Variants in BTG1 observed in about 807,000 individuals in gnomAD.
BTG1 encodes the protein protein BTG1.
A neutral mutation model predicts 15.2 loss-of-function variants in BTG1; 2 were observed. That is an observed-to-expected ratio of 0.13 (90% CI 0.05 to 0.41). The LOEUF (loss-of-function observed/expected upper bound fraction) is 0.41. BTG1 is among the 10% of genes least tolerant of loss of function. The probability of loss-of-function intolerance (pLI) is 0.99; values close to 1 mark genes in which losing one functional copy is unlikely to be tolerated. For missense variants in BTG1, 149 were observed against 215.0 expected, an observed-to-expected ratio of 0.69 and a Z score of 1.92; for synonymous variants, 109 against 82.4, an observed-to-expected ratio of 1.32 and a Z score of -1.75.
At chr12:92,144,854 A>T (rs778916862) in intron 1 of BTG1, among the ~76,000 whole-genome samples, 13 of 152,228 alleles carry the variant, frequency 8.5e-5, no homozygotes, top group Non-Finnish European at 1.9e-4. Context: ...AAGAAAAACA[A>T]GCAACCCTAA....
Position 92,144,125 on chromosome 12 carries a change from T to C in BTG1, c.471A>G (p.Arg157=). ...ISCKEELLLG[R]TSPSKNYNMM... The stretch of plus-strand genomic sequence containing the variant: ...TATTGTAGTTTTTGGAAGGGCTCGT[T>C]CTGCCCAAGAGAAGTTCCTCCTTAC... Residue 157 remains arginine (R), a synonymous_variant, in exon 2 of 2, where the codon AGA becomes AGG. Coordinates refer to ENST00000256015, the MANE Select transcript of BTG1 (RefSeq NM_001731.3). 1 of 1,613,594 alleles carries C rather than the reference T, an allele frequency of 6.2e-7. No homozygotes were observed. The highest frequency in any genetic ancestry group is 8.5e-7 in the Non-Finnish European group (1 of 1,179,992).
Position 92,140,417 on chromosome 12 carries a change from G to A in BTG1, c.*3663C>T, listed in dbSNP as rs969521658. ...TTGAGGAAATGGTATCAATCCTCAG[G>A]ATTAATACAATCTAAGGCTTACTTG... On this transcript the variant is annotated 3_prime_UTR_variant, in exon 2 of 2. Transcript: ENST00000256015. 1.8e-5 allele frequency: 4 copies of A among 224,166 alleles called. No homozygotes were observed. Among genetic ancestry groups the A allele is most frequent in the Non-Finnish European group, 3.6e-5 (4 of 112,572 alleles). 13.9% of individuals were successfully genotyped at this position (224,166 alleles called of 1,614,324 possible).
rs1870538941 is a variant in BTG1, at chr12:92,145,604, C to T, written c.-69G>A. ...GGCGCGGCCCCGACGGCGGAGCAGC[C>T]ACCCCGGGCTTCCTCACCGGGCGGA... On this transcript the variant is annotated 5_prime_UTR_variant, in exon 1 of 2. Coordinates refer to ENST00000256015, the MANE Select transcript of BTG1 (RefSeq NM_001731.3). 4.4e-6 allele frequency: 5 copies of T among 1,134,224 alleles called. No homozygotes were observed. The South Asian group carries it at 1.1e-4, about 26-fold the overall frequency. The allele number at this position is 1,134,224 out of a possible 1,614,324, so 70.3% of individuals were successfully genotyped here.
rs199977695 is a variant in BTG1 at position 92,140,355 on chromosome 12, CA to C, written c.*3724del. The stretch of plus-strand genomic sequence containing the variant: ...TGATAAGCCAAGTTAAACCTGCAGT[CA>C]AAAAAAAACTGGTGTCAATCATACT... On this transcript the variant is annotated 3_prime_UTR_variant, in exon 2 of 2. Transcript: ENST00000256015. The C allele has an allele frequency of 6.4e-4, 135 of 209,668 alleles. No individual in the cohort carries two copies. Among genetic ancestry groups the C allele is most frequent in the East Asian group, 1.2e-3 (17 of 13,866 alleles). The allele number at this position is 209,668 out of a possible 1,614,324, so 13.0% of individuals were successfully genotyped here.
In BTG1 at chr12:92,142,821, A is replaced by T. The variant is rs1052471826; in HGVS notation, c.*1259T>A. ...GGAACATTTATATCTTCACTTCAACAGGGAAGCAATGAAATGTAATCCTTT... is the reference window on the plus strand; with the variant it reads ...GGAACATTTATATCTTCACTTCAACTGGGAAGCAATGAAATGTAATCCTTT... On this transcript the variant is annotated 3_prime_UTR_variant, in exon 2 of 2. Coordinates refer to ENST00000256015, the MANE Select transcript of BTG1 (RefSeq NM_001731.3). The T allele has an allele frequency of 8.6e-6, 2 of 232,952 alleles. No homozygotes were observed. The highest frequency in any genetic ancestry group is 2.2e-5 in the African/African-American group (1 of 45,340). The allele number at this position is 232,952 out of a possible 1,614,324, so 14.4% of individuals were successfully genotyped here. A position where few individuals can be genotyped will look rare whatever the true frequency, so the allele number is the denominator to read the frequency against.
chr12:92,143,944 T>TA lies in BTG1; in HGVS notation c.*135dup. On this transcript the variant is annotated 3_prime_UTR_variant, in exon 2 of 2. Coordinates refer to ENST00000256015, the MANE Select transcript of BTG1 (RefSeq NM_001731.3). Reference sequence around the variant, plus strand: ...TGTCACTTAAAATTTTTTTTTTTTTTACCATTCTATCTTGTGCCAGATCTT... The same window carrying TA: ...TGTCACTTAAAATTTTTTTTTTTTTTAACCATTCTATCTTGTGCCAGATCTT... 3.5e-6 allele frequency: 4 copies of TA among 1,151,138 alleles called. No homozygotes were observed. Among genetic ancestry groups the TA allele is most frequent in the Admixed American group, 2.8e-5 (1 of 36,132 alleles). 71.3% of individuals were successfully genotyped at this position (1,151,138 alleles called of 1,614,324 possible). A position where few individuals can be genotyped will look rare whatever the true frequency, so the allele number is the denominator to read the frequency against.
chr12:92,144,043 T>C lies in BTG1; in HGVS notation c.*37A>G, dbSNP rs770029415. On this transcript the variant is annotated 3_prime_UTR_variant, in exon 2 of 2. Coordinates refer to ENST00000256015, the MANE Select transcript of BTG1 (RefSeq NM_001731.3). ...CCACCCAAAGCAAAAATCAAATTTATCCATCATCATCAGATGATCCATCCA... is the reference window on the plus strand; with the variant it reads ...CCACCCAAAGCAAAAATCAAATTTACCCATCATCATCAGATGATCCATCCA... The C allele has an allele frequency of 4.0e-5, 64 of 1,597,764 alleles. 1 individual carries two copies. In the South Asian group the frequency reaches 7.1e-4, roughly 18 times the overall value.
chr12:92,140,402 G>T lies in BTG1; in HGVS notation c.*3678C>A, dbSNP rs1367586765. On this transcript the variant is annotated 3_prime_UTR_variant, in exon 2 of 2. Transcript: ENST00000256015. Reference sequence around the variant, plus strand: ...ATACTCCACAAAGTGTTGAGGAAATGGTATCAATCCTCAGGATTAATACAA... The same window carrying T: ...ATACTCCACAAAGTGTTGAGGAAATTGTATCAATCCTCAGGATTAATACAA... The T allele has an allele frequency of 4.5e-6, 1 of 222,200 alleles. No individual in the cohort carries two copies. The highest frequency in any genetic ancestry group is 2.2e-5 in the African/African-American group (1 of 44,674). The allele number at this position is 222,200 out of a possible 1,614,324, so 13.8% of individuals were successfully genotyped here.
In BTG1 at chr12:92,144,179, G is replaced by A; in HGVS notation, c.417C>T (p.Asn139=). ...TGATTCGGCTGTCTACCATTTGCACGTTGGTGCTGTTTTGAGTGCTACCTC... is the reference window on the plus strand; with the variant it reads ...TGATTCGGCTGTCTACCATTTGCACATTGGTGCTGTTTTGAGTGCTACCTC... ...PAGGSTQNST[N]VQMVDSRISC... Residue 139 remains asparagine (N), a synonymous_variant, in exon 2 of 2, where the codon AAC becomes AAT. Coordinates refer to ENST00000256015, the MANE Select transcript of BTG1 (RefSeq NM_001731.3). 1.2e-6 allele frequency: 2 copies of A among 1,614,118 alleles called. No homozygotes were observed. The highest frequency in any genetic ancestry group is 1.7e-6 in the Non-Finnish European group (2 of 1,180,036).
Position 92,141,680 on chromosome 12 carries a change from G to C in BTG1, c.*2400C>G. On this transcript the variant is annotated 3_prime_UTR_variant, in exon 2 of 2. Coordinates refer to ENST00000256015, the MANE Select transcript of BTG1 (RefSeq NM_001731.3). The stretch of plus-strand genomic sequence containing the variant: ...GATACAGGTTCAGCTCAATTGTCTG[G>C]GGAAGGTAAGGTTAAAGTCACAGGA... 4.3e-6 allele frequency: 1 copy of C among 232,320 alleles called. No individual in the cohort carries two copies. Among genetic ancestry groups the C allele is most frequent in the East Asian group, 6.1e-5 (1 of 16,434 alleles). The allele number at this position is 232,320 out of a possible 1,614,324, so 14.4% of individuals were successfully genotyped here.
rs1308931911 is a variant in BTG1, at chr12:92,141,633, CACAA to C, written c.*2443_*2446del. 1 of 231,044 alleles carries C rather than the reference CACAA, an allele frequency of 4.3e-6. No individual in the cohort carries two copies. The highest frequency in any genetic ancestry group is 2.2e-5 in the African/African-American group (1 of 45,176). The allele number at this position is 231,044 out of a possible 1,614,324, so 14.3% of individuals were successfully genotyped here. On this transcript the variant is annotated 3_prime_UTR_variant, in exon 2 of 2. Transcript: ENST00000256015. The stretch of plus-strand genomic sequence containing the variant: ...CAGAAACAGTGAACAAGAAATACAT[CACAA>C]ACAGCTACTGTACCGCAGATACAGG...
intron 1 of BTG1, 81 bp from the exon 2 acceptor site, chr12:92,144,528 T>G (rs537401758): frequency 1.3e-6 from 2 of 1,549,280 alleles, no homozygotes; most frequent in South Asian, 1.2e-5. Context: ...CCAGGCTCCT[T>G]TGAGGAGCGA....
At position 92,145,813 on chromosome 12, in the gene BTG1, A is replaced by C. The variant is rs1394906951; in HGVS notation, c.-278T>G. 1 of 260,784 alleles carries C rather than the reference A, an allele frequency of 3.8e-6. No homozygotes were observed. Among genetic ancestry groups the C allele is most frequent in the Non-Finnish European group, 7.3e-6 (1 of 137,584 alleles). The allele number at this position is 260,784 out of a possible 1,614,324, so 16.2% of individuals were successfully genotyped here. On this transcript the variant is annotated 5_prime_UTR_variant, in exon 1 of 2. Coordinates refer to ENST00000256015, the MANE Select transcript of BTG1 (RefSeq NM_001731.3). ...GCCTCCAGCTCCGCAGCATTCGAAG[A>C]TCTCAATAGCTGCATTTCCAGCTCC...
chr12:92,145,225 G>C, intron 1 of BTG1, 163 bp downstream of exon 1: 1 of 1,138,652 alleles, frequency 8.8e-7, no homozygotes. Flanking sequence ...AGCCTCGCGG[G>C]GAACCGCTGT....
Position 92,142,922 on chromosome 12 carries a change from C to A in BTG1, c.*1158G>T, listed in dbSNP as rs1212149633. On this transcript the variant is annotated 3_prime_UTR_variant, in exon 2 of 2. Transcript: ENST00000256015. Reference sequence around the variant, plus strand: ...TGAGATCATTAGCCTGTGAATGTGTCCATGTTTTGACTTTAGAAATTTTTA... The same window carrying A: ...TGAGATCATTAGCCTGTGAATGTGTACATGTTTTGACTTTAGAAATTTTTA... 1 of 232,912 alleles carries A rather than the reference C, an allele frequency of 4.3e-6. No homozygotes were observed. The highest frequency in any genetic ancestry group is 8.5e-6 in the Non-Finnish European group (1 of 117,964). The allele number at this position is 232,912 out of a possible 1,614,324, so 14.4% of individuals were successfully genotyped here.
At position 92,143,051 on chromosome 12, in the gene BTG1, AT is replaced by A. The variant is rs1380461669; in HGVS notation, c.*1028del. ...CCAGCATGACCAGTGTGCAACAGAGATTCAGTTTATAGAACCTGTCTTCTAA... is the reference window on the plus strand; with the variant it reads ...CCAGCATGACCAGTGTGCAACAGAGATCAGTTTATAGAACCTGTCTTCTAA... On this transcript the variant is annotated 3_prime_UTR_variant, in exon 2 of 2. Coordinates refer to ENST00000256015, the MANE Select transcript of BTG1 (RefSeq NM_001731.3). 4.3e-6 allele frequency: 1 copy of A among 232,776 alleles called. No individual in the cohort carries two copies. The highest frequency in any genetic ancestry group is 8.5e-6 in the Non-Finnish European group (1 of 117,858). The allele number at this position is 232,776 out of a possible 1,614,324, so 14.4% of individuals were successfully genotyped here. A position where few individuals can be genotyped will look rare whatever the true frequency, so the allele number is the denominator to read the frequency against.
chr12:92,143,066 C>A lies in BTG1; in HGVS notation c.*1014G>T, dbSNP rs1870356786. On this transcript the variant is annotated 3_prime_UTR_variant, in exon 2 of 2. Transcript: ENST00000256015. The stretch of plus-strand genomic sequence containing the variant: ...TGCAACAGAGATTCAGTTTATAGAA[C>A]CTGTCTTCTAAGAAAAAATACTTTT... 1 of 232,656 alleles carries A rather than the reference C, an allele frequency of 4.3e-6. No homozygotes were observed. Among genetic ancestry groups the A allele is most frequent in the Admixed American group, 5.6e-5 (1 of 17,780 alleles). 14.4% of individuals were successfully genotyped at this position (232,656 alleles called of 1,614,324 possible).
Position 92,140,461 on chromosome 12 carries a change from A to T in BTG1, c.*3619T>A, listed in dbSNP as rs1269206888. 4.4e-6 allele frequency: 1 copy of T among 227,700 alleles called. No homozygotes were observed. 14.1% of individuals were successfully genotyped at this position (227,700 alleles called of 1,614,324 possible). A position where few individuals can be genotyped will look rare whatever the true frequency, so the allele number is the denominator to read the frequency against. On this transcript the variant is annotated 3_prime_UTR_variant, in exon 2 of 2. Transcript: ENST00000256015. The stretch of plus-strand genomic sequence containing the variant: ...TTACTTGTTTAGGAGCATTTCAAAA[A>T]TATAACACTTAACATCAGAAGAAAA...
At position 92,142,297 on chromosome 12, in the gene BTG1, A is replaced by T. The variant is rs1490211959; in HGVS notation, c.*1783T>A. ...TTGAGATTACTAATTTCAAGTAATT[A>T]CTAATTTTATTTCAGACTGCGTATT... On this transcript the variant is annotated 3_prime_UTR_variant, in exon 2 of 2. Transcript: ENST00000256015. 3 of 230,838 alleles carry T rather than the reference A, an allele frequency of 1.3e-5. No homozygotes were observed. The highest frequency in any genetic ancestry group is 2.2e-5 in the African/African-American group (1 of 45,236). 14.3% of individuals were successfully genotyped at this position (230,838 alleles called of 1,614,324 possible).
Sources: allele counts gnomAD v4.1 joint callset (sites outside exome capture counted in the v4.1 genomes callset), GRCh38; gene constraint gnomAD v4.1.1; transcripts MANE v1.5; gene names NCBI Gene and HGNC (gene_info 2026-07-23, HGNC 2026-07-21).